Variants in ABCC10 observed in about 807,000 individuals in gnomAD.
The protein encoded by ABCC10 is ATP binding cassette subfamily C member 10, also known as ATP-binding cassette sub-family C member 10.
In ABCC10, 110 loss-of-function variants were observed where a neutral mutation model predicts 143.2. The ratio of observed to expected loss-of-function variants is 0.77; its 90% CI spans 0.66 to 0.90. ABCC10 has a LOEUF of 0.90. Ranked by LOEUF, ABCC10 falls within the 40% of genes least tolerant of loss-of-function variation. The pLI is 0.00. For synonymous variants in ABCC10, 805 were observed against 846.7 expected (o/e 0.95, Z 0.85); for missense variants, 1,700 against 1,900.5 (o/e 0.89, Z 1.96).
rs558963572 is a variant in ABCC10, at chr6:43,444,116, C to CA, written c.2495-42dup. ...TCTGAAATACTGAGTTTTCAGCTGG[C>CA]ACCCTGCAAGCTTAATTCTTCCATG... On this transcript the variant is annotated intron_variant, in intron 11 of 21. Transcript: ENST00000372530. The CA allele has an allele frequency of 1.2e-3, 1,855 of 1,610,482 alleles. 1 individual carries two copies. The highest frequency in any genetic ancestry group is 1.4e-3 in the Non-Finnish European group (1,689 of 1,177,234).
At position 43,441,901 on chromosome 6, in the gene ABCC10, G is replaced by A. The variant is rs369352994; in HGVS notation, c.2167G>A (p.Gly723Ser). ...AGACCAGACAGAGGTGGGGGAGAAG[G>A]GTGTCACCCTTAGCGGAGGACAGCG... ...AGDQTEVGEK[G>S]VTLSGGQRAR... The change falls in exon 9 of 22, where the codon GGT (glycine) becomes AGT (serine). Residue 723 changes from glycine to serine, a missense_variant. By Grantham distance (56) the Gly-to-Ser change is moderately conservative. Coordinates refer to ENST00000372530, the MANE Select transcript of ABCC10 (RefSeq NM_001198934.2). The A allele has an allele frequency of 2.9e-5, 47 of 1,613,764 alleles. No homozygotes were observed. The highest frequency in any genetic ancestry group is 3.9e-5 in the Non-Finnish European group (46 of 1,179,918).
At chr6:43,427,874 C>T in intron 1 of ABCC10, 94 bp from the exon 2 acceptor site, 1 of 1,453,182 alleles carries the variant, frequency 6.9e-7, no homozygotes, top group Middle Eastern at 1.7e-4. Flanking sequence ...GTCCCGGTTC[C>T]AGGGCGGGGC....
rs1781935733 is a variant in ABCC10, at chr6:43,437,983, T to G, written c.1925T>G (p.Leu642Arg). Residue 642 changes from leucine to arginine, a missense_variant, in exon 7 of 22, where the codon CTG becomes CGG. By Grantham distance (102) the Leu-to-Arg change is moderately radical (BLOSUM62 -2). Transcript: ENST00000372530. ...VGKVGCGKSS[L>R]LAAIAGELHR... Reference sequence around the variant, plus strand: ...AAGGTCGGCTGTGGGAAGAGCTCCCTGCTGGCTGCCATCGCTGGAGAGCTC... The same window carrying G: ...AAGGTCGGCTGTGGGAAGAGCTCCCGGCTGGCTGCCATCGCTGGAGAGCTC... 1 of 1,613,204 alleles carries G rather than the reference T, an allele frequency of 6.2e-7. No individual in the cohort carries two copies. The highest frequency in any genetic ancestry group is 8.5e-7 in the Non-Finnish European group (1 of 1,179,758).
intron 2 of ABCC10, chr6:43,431,694 C>A: frequency 1.8e-6 from 1 of 551,880 alleles, no homozygotes; most frequent in Non-Finnish European, 2.3e-6. Context: ...ATTCATGAGG[C>A]ATATGTGCTT....
chr6:43,450,920 T>TG, downstream of ABCC10: 10 of 1,614,050 alleles, frequency 6.2e-6, no homozygotes, highest in Non-Finnish European at 6.8e-6. The surrounding 1 kb of genome is among the most constrained non-coding windows in gnomAD (Gnocchi z 4.5). Context: ...CCACTGTGGT[T>TG]GGGGGGTCTG....
rs1016532813 is a variant in ABCC10, at chr6:43,441,946, C to T, written c.2212C>T (p.Arg738Cys). Reference protein sequence around the residue: ...GGQRARIALARAVYQEKELYL... With the variant: ...GGQRARIALACAVYQEKELYL... The stretch of plus-strand genomic sequence containing the variant: ...ACAGCGTGCCCGGATTGCCCTTGCT[C>T]GTGCTGTCTACCAGGTCAGTTAAAG... Residue 738 changes from arginine (R) to cysteine (C), a missense_variant, in exon 9 of 22, where the codon CGT becomes TGT. Physicochemically the swap from Arg to Cys is radical, Grantham distance 180. Coordinates refer to ENST00000372530, the MANE Select transcript of ABCC10 (RefSeq NM_001198934.2). The T allele has an allele frequency of 4.3e-6, 7 of 1,613,616 alleles. No individual in the cohort carries two copies. The highest frequency in any genetic ancestry group is 2.2e-5 in the East Asian group (1 of 44,864).
rs1280827721 is a variant in ABCC10, at chr6:43,442,988, C to T, written c.2245C>T (p.Leu749Phe). 3 of 1,599,054 alleles carry T rather than the reference C, an allele frequency of 1.9e-6. No homozygotes were observed. Among genetic ancestry groups the T allele is most frequent in the South Asian group, 2.3e-5 (2 of 88,468 alleles). The change falls in exon 10 of 22, where the codon CTC becomes TTC. Residue 749 changes from leucine (L) to phenylalanine (F), a missense_variant. Physicochemically the swap from Leu to Phe is conservative, Grantham distance 22. Transcript: ENST00000372530. ...AVYQEKELYL[L>F]DDPLAAVDAD... ...TCCATAGGAAAAGGAGCTCTATCTCCTCGATGACCCTCTGGCCGCTGTGGA... is the reference window on the plus strand; with the variant it reads ...TCCATAGGAAAAGGAGCTCTATCTCTTCGATGACCCTCTGGCCGCTGTGGA...
Position 43,427,965 on chromosome 6 carries a change from C to A in ABCC10, c.-11-3C>A, listed in dbSNP as rs1443612571. On this transcript the variant is annotated splice_polypyrimidine_tract_variant and splice_region_variant and intron_variant, in intron 1 of 21. Transcript: ENST00000372530. The stretch of plus-strand genomic sequence containing the variant: ...CAGCCGTCACCCTCAACTTTCCCTT[C>A]AGGTGAGGCGTCCATGGAACGACTT... 5.0e-6 allele frequency: 8 copies of A among 1,612,010 alleles called. No individual in the cohort carries two copies. Among genetic ancestry groups the A allele is most frequent in the Non-Finnish European group, 6.8e-6 (8 of 1,179,568 alleles).
intron 7 of ABCC10, 66 bp from the exon 8 acceptor site, chr6:43,438,558 A>C (rs1206354061): frequency 1.3e-6 from 2 of 1,573,522 alleles, no homozygotes; most frequent in South Asian, 2.3e-5. Flanking sequence ...TCTAGGAGTC[A>C]AGGGCTGGGC....
Position 43,443,059 on chromosome 6 carries a change from G to A in ABCC10, c.2316G>A (p.Met772Ile). 1.2e-6 allele frequency: 2 copies of A among 1,613,048 alleles called. No individual in the cohort carries two copies. Among genetic ancestry groups the A allele is most frequent in the Non-Finnish European group, 8.5e-7 (1 of 1,179,954 alleles). The stretch of plus-strand genomic sequence containing the variant: ...TGCTGCACAGGTGCATCCTGGGCAT[G>A]CTGAGCTACACCACACGGCTGCTCT... Reference protein sequence around the residue: ...NHLLHRCILGMLSYTTRLLCT... With the variant: ...NHLLHRCILGILSYTTRLLCT... The change falls in exon 10 of 22, where the codon ATG becomes ATA. Residue 772 changes from methionine to isoleucine, a missense_variant. By Grantham distance (10) the Met-to-Ile change is conservative. Coordinates refer to ENST00000372530, the MANE Select transcript of ABCC10 (RefSeq NM_001198934.2). This position sits in a 1 kb window ranked among gnomAD's most constrained non-coding sequence, Gnocchi z 4.2.
intron 8 of ABCC10, among the ~76,000 whole-genome samples, chr6:43,439,452 G>A (rs1357813742): frequency 1.3e-5 from 2 of 151,400 alleles, no homozygotes; most frequent in African/African-American, 4.9e-5. Flanking sequence ...CCCCAGGCTG[G>A]AATGCAGTGG....
At position 43,448,892 on chromosome 6, in the gene ABCC10, C is replaced by T. The variant is rs1190300225; in HGVS notation, c.3971C>T (p.Ala1324Val). 2 of 1,612,570 alleles carry T rather than the reference C, an allele frequency of 1.2e-6. No homozygotes were observed. The highest frequency in any genetic ancestry group is 1.7e-6 in the Non-Finnish European group (2 of 1,179,438). The change falls in exon 19 of 22, where the codon GCT (alanine) becomes GTT (valine). Residue 1324 changes from alanine (A) to valine (V), a missense_variant. By Grantham distance (64) the Ala-to-Val change is moderately conservative. Transcript: ENST00000372530. ...LELAQLRSQLAIIPQEPFLFS... is the reference protein window; with the variant it reads ...LELAQLRSQLVIIPQEPFLFS... ...TCATTGTCCCCCAGATCCCAGTTGG[C>T]TATCATCCCCCAGGAGCCCTTTTTG... is the stretch of plus-strand genomic sequence containing the variant.
intron 2 of ABCC10, among the ~76,000 whole-genome samples, chr6:43,428,587 C>T (rs1214752): frequency 0.47 from 71,829 of 151,944 alleles, 17,283 homozygotes; most frequent in East Asian, 0.63. Flanking sequence ...GAAAAGCATA[C>T]CTAGGCTCAG....
Position 43,444,192 on chromosome 6 carries a change from C to T in ABCC10, c.2528C>T (p.Thr843Ile), listed in dbSNP as rs750127031. ...CAGTCAGTACAGAACCCAGAGAAAA[C>T]AAAGGAGGGGCTGGAGGAGGAGCAG... The part of the protein sequence containing the change: ...TAQSVQNPEK[T>I]KEGLEEEQST... The change falls in exon 12 of 22, where the codon ACA becomes ATA. Residue 843 changes from threonine (T) to isoleucine (I), a missense_variant. Coordinates refer to ENST00000372530, the MANE Select transcript of ABCC10 (RefSeq NM_001198934.2). 20 of 1,613,746 alleles carry T rather than the reference C, an allele frequency of 1.2e-5. No individual in the cohort carries two copies. Among genetic ancestry groups the T allele is most frequent in the Non-Finnish European group, 1.6e-5 (19 of 1,179,892 alleles).
rs78212152 is a variant in ABCC10 at position 43,443,811 on chromosome 6, C to T, written c.2417-122C>T. ...GTCCTGCTCGAGGTCTAGGGGTATC[C>T]TGCTAGGGTGGGTTAGACGGGGAGG... On this transcript the variant is annotated intron_variant, in intron 10 of 21. Transcript: ENST00000372530. The surrounding 1 kb of genome is among the most constrained non-coding windows in gnomAD (Gnocchi z 4.2). The T allele has an allele frequency of 3.4e-3, 3,453 of 1,007,708 alleles. 64 individuals carry two copies. The African/African-American group carries it at 0.044, about 13-fold the overall frequency. The allele number at this position is 1,007,708 out of a possible 1,614,324, so 62.4% of individuals were successfully genotyped here.
intron 16 of ABCC10, chr6:43,446,671 G>A: frequency 3.0e-6 from 3 of 985,256 alleles, no homozygotes; most frequent in Non-Finnish European, 3.6e-6. Context: ...AGTCTTCTGA[G>A]CTGCTGGTCT....
downstream of ABCC10, chr6:43,451,150 G>A (rs143149140): frequency 6.8e-5 from 109 of 1,614,042 alleles, no homozygotes; most frequent in Non-Finnish European, 8.7e-5. The surrounding 1 kb of genome is among the most constrained non-coding windows in gnomAD (Gnocchi z 4.4). Context: ...GCACAAGGCC[G>A]CATCAGGCAG....
In ABCC10 at chr6:43,435,737, C is replaced by T. The variant is rs754993218; in HGVS notation, c.1609-14C>T. ...ATAACTCCTGGGGCTTCACCCTGCA[C>T]CCACCTCACTCAGGTGTTCACGGCC... On this transcript the variant is annotated splice_polypyrimidine_tract_variant and intron_variant, in intron 4 of 21. Coordinates refer to ENST00000372530, the MANE Select transcript of ABCC10 (RefSeq NM_001198934.2). The T allele has an allele frequency of 1.2e-6, 2 of 1,613,708 alleles. No homozygotes were observed. The highest frequency in any genetic ancestry group is 1.1e-5 in the South Asian group (1 of 91,010).
At chr6:43,429,359 T>G (rs1581691972) in intron 2 of ABCC10, among the ~76,000 whole-genome samples, 1 of 127,654 alleles carries the variant, frequency 7.8e-6, no homozygotes, top group Non-Finnish European at 1.7e-5. Flanking sequence ...CTTTTCTTTC[T>G]TTCTTTTCTT....
Sources: allele counts gnomAD v4.1 joint callset (sites outside exome capture counted in the v4.1 genomes callset), GRCh38; gene constraint gnomAD v4.1.1; non-coding constraint Gnocchi (gnomAD v3.1); transcripts MANE v1.5; gene names NCBI Gene and HGNC (gene_info 2026-07-23, HGNC 2026-07-21).